The following VPS37C variants were observed in gnomAD, a reference collection of about 807,000 sequenced individuals.
The protein encoded by VPS37C is VPS37C subunit of ESCRT-I.
Under a neutral mutation model 16.1 loss-of-function variants are expected in VPS37C, and 9 were observed. That is an observed-to-expected ratio of 0.56 (90% CI 0.34 to 0.97). The LOEUF is 0.97. Among genes scored for constraint, VPS37C ranks in the 50% least tolerant of loss-of-function variants. The probability of loss-of-function intolerance (pLI) is 0.02; values close to 1 mark genes in which losing one functional copy is unlikely to be tolerated. For missense variants in VPS37C, 479 were observed against 472.7 expected, an observed-to-expected ratio of 1.01 and a Z score of -0.12; for synonymous variants, 207 against 206.4, an observed-to-expected ratio of 1.00 and a Z score of -0.02.
Position 61,130,507 on chromosome 11 carries a change from C to A in VPS37C, c.*1313G>T, listed in dbSNP as rs1861234258. On this transcript the variant is annotated 3_prime_UTR_variant, in exon 5 of 5. Coordinates refer to ENST00000301765, the MANE Select transcript of VPS37C (RefSeq NM_017966.5). ...CTTGGCCCCAGCAGCCCCGGGCCCA[C>A]CAGATGCTGCGTCCTCAGGTAGTGG... The A allele has an allele frequency of 4.8e-6, 1 of 206,918 alleles. No homozygotes were observed. Among genetic ancestry groups the A allele is most frequent in the Admixed American group, 6.4e-5 (1 of 15,568 alleles). The allele number at this position is 206,918 out of a possible 1,614,324, so 12.8% of individuals were successfully genotyped here. A position where few individuals can be genotyped will look rare whatever the true frequency, so the allele number is the denominator to read the frequency against.
chr11:61,159,402 ATTC>A (rs1853427730), intron 1 of VPS37C, among the ~76,000 whole-genome samples: 17 of 152,208 alleles, frequency 1.1e-4, no homozygotes, highest in Admixed American at 1.1e-3. Flanking sequence ...ATCAGAAATT[ATTC>A]TTAAGGTCCA....
At chr11:61,161,062 G>C (rs555780589) in intron 1 of VPS37C, 39 of 152,440 alleles carry the variant, frequency 2.6e-4, no homozygotes, top group African/African-American at 8.4e-4. Context: ...CATCAGAATT[G>C]TGACCGCAAG....
Position 61,132,105 on chromosome 11 carries a change from G to A in VPS37C, c.783C>T (p.Ser261=). 1 of 1,421,706 alleles carries A rather than the reference G, an allele frequency of 7.0e-7. No homozygotes were observed. The highest frequency in any genetic ancestry group is 1.6e-5 in the South Asian group (1 of 63,932). 88.1% of individuals were successfully genotyped at this position (1,421,706 alleles called of 1,614,324 possible). Residue 261 remains serine (S), a synonymous_variant, in exon 5 of 5, where the codon TCC becomes TCT. Coordinates refer to ENST00000301765, the MANE Select transcript of VPS37C (RefSeq NM_017966.5). ...GPRGAAGYSW[S]PQRSMPPRPG... ...GCCGGGGTGGCATGCTCCTCTGTGG[G>A]GACCAGGAGTAACCCGCAGCACCCC...
At chr11:61,142,975 T>TAAAAAAAAAAAAAAAAAAAAAAAAAA in intron 1 of VPS37C, among the ~76,000 whole-genome samples, 1 of 47,586 alleles carries the variant, frequency 2.1e-5, no homozygotes, top group African/African-American at 7.5e-5. Flanking sequence ...AAAGAATAGC[T>TAAAAAAAAAAAAAAAAAAAAAAAAAA]AAAAAAAAAA....
chr11:61,139,609 A>T (rs1216847940), intron 1 of VPS37C, among the ~76,000 whole-genome samples: 1 of 152,138 alleles, frequency 6.6e-6, no homozygotes, highest in Non-Finnish European at 1.5e-5. Flanking sequence ...GATGGGTCAC[A>T]GCCAGGCCCA....
rs567283534 is a variant in VPS37C, at chr11:61,150,559, T to G, written c.-7+10832A>C. ...TCAACCTTTTTCAAAGGAGTTTTGT[T>G]TTTTTTTTTTCCAAACAGAACATTT... is the stretch of plus-strand genomic sequence containing the variant. On this transcript the variant is annotated intron_variant, in intron 1 of 4. Coordinates refer to ENST00000301765, the MANE Select transcript of VPS37C (RefSeq NM_017966.5). 4.5e-3 allele frequency among the ~76,000 whole-genome samples: 667 copies of G among 149,886 alleles called. 5 individuals carry two copies. The highest frequency in any genetic ancestry group is 7.5e-3 in the Non-Finnish European group (508 of 67,512).
chr11:61,159,926 A>AT (rs1853443125), intron 1 of VPS37C, among the ~76,000 whole-genome samples: 2 of 149,380 alleles, frequency 1.3e-5, no homozygotes, highest in Non-Finnish European at 3.0e-5. Context: ...AAAAAAAAAA[A>AT]AATCCAAACT....
chr11:61,152,186 G>A (rs769593141), intron 1 of VPS37C, among the ~76,000 whole-genome samples: 3 of 152,150 alleles, frequency 2.0e-5, no homozygotes, highest in African/African-American at 4.8e-5. Context: ...TGATAAGACC[G>A]CTGTACTCAC....
At chr11:61,150,261 G>A (rs758955234) in intron 1 of VPS37C, among the ~76,000 whole-genome samples, 8 of 152,132 alleles carry the variant, frequency 5.3e-5, no homozygotes, top group Admixed American at 3.9e-4. Context: ...GTGTTCCAAA[G>A]GCTCTCACAC....
At chr11:61,148,026 G>A (rs1853243842) in intron 1 of VPS37C, among the ~76,000 whole-genome samples, 2 of 152,188 alleles carry the variant, frequency 1.3e-5, no homozygotes, top group Non-Finnish European at 2.9e-5. Flanking sequence ...GTGTGGCTCA[G>A]ATAAGCGAAC....
At chr11:61,141,367 C>CAAAAA (rs1242030018) in intron 1 of VPS37C, among the ~76,000 whole-genome samples, 3 of 126,446 alleles carry the variant, frequency 2.4e-5, no homozygotes, top group Non-Finnish European at 5.1e-5. Flanking sequence ...GACTCGGTCT[C>CAAAAA]AAAAAAAAAA....
At position 61,134,068 on chromosome 11, in the gene VPS37C, A is replaced by G. The variant is rs1861319639; in HGVS notation, c.233T>C (p.Val78Ala). Residue 78 changes from valine (V) to alanine (A), a missense_variant, in exon 3 of 5, where the codon GTG becomes GCG. Transcript: ENST00000301765. ...TGCCTTCTGCTCCTGGCACCGCTCC[A>G]CGAGCTTCCGGAGCTCCTGGTATCT... Reference protein sequence around the residue: ...SDRYQELRKLVERCQEQKAKL... With the variant: ...SDRYQELRKLAERCQEQKAKL... The G allele has an allele frequency of 1.9e-6, 3 of 1,613,008 alleles. No homozygotes were observed. Among genetic ancestry groups the G allele is most frequent in the Non-Finnish European group, 2.5e-6 (3 of 1,179,170 alleles).
rs976563030 is a variant in VPS37C, at chr11:61,130,975, A to G, written c.*845T>C. The G allele has an allele frequency of 8.8e-6, 3 of 342,086 alleles. 1 individual carries two copies. The highest frequency in any genetic ancestry group is 6.6e-5 in the South Asian group (3 of 45,606). The allele number at this position is 342,086 out of a possible 1,614,324, so 21.2% of individuals were successfully genotyped here. ...CGTGGGCCTCGGGCAAAGTCGCCCT[A>G]AAGTGGGGACCCCAGAGGAGAGAAG... is the stretch of plus-strand genomic sequence containing the variant. On this transcript the variant is annotated 3_prime_UTR_variant, in exon 5 of 5. Transcript: ENST00000301765.
At position 61,131,450 on chromosome 11, in the gene VPS37C, T is replaced by C. The variant is rs535219832; in HGVS notation, c.*370A>G. On this transcript the variant is annotated 3_prime_UTR_variant, in exon 5 of 5. Transcript: ENST00000301765. Reference sequence around the variant, plus strand: ...TGGAGGGGGCTGGAGACCCGGGGCCTCCTCATAGAGATAACTCTGCACTGG... The same window carrying C: ...TGGAGGGGGCTGGAGACCCGGGGCCCCCTCATAGAGATAACTCTGCACTGG... 31 of 193,812 alleles carry C rather than the reference T, an allele frequency of 1.6e-4. No homozygotes were observed. The South Asian group carries it at 5.8e-3, about 36-fold the overall frequency. The allele number at this position is 193,812 out of a possible 1,614,324, so 12.0% of individuals were successfully genotyped here. A position where few individuals can be genotyped will look rare whatever the true frequency, so the allele number is the denominator to read the frequency against.
chr11:61,132,708 C>T, intron 4 of VPS37C, 169 bp from the exon 5 acceptor site: 1 of 859,040 alleles, frequency 1.2e-6, no homozygotes, highest in Non-Finnish European at 1.7e-6. Context: ...GGTACATGCA[C>T]TGTCTCCCTC....
chr11:61,160,181 C>G (rs1194099530), intron 1 of VPS37C, among the ~76,000 whole-genome samples: 2 of 152,176 alleles, frequency 1.3e-5, no homozygotes, highest in East Asian at 3.8e-4. Context: ...ATGGAAATTA[C>G]AAAGGCACGG....
intron 1 of VPS37C, among the ~76,000 whole-genome samples, chr11:61,139,241 T>C (rs1027600330): frequency 6.6e-6 from 1 of 152,188 alleles, no homozygotes; most frequent in Admixed American, 6.5e-5. Context: ...CTCTGGTAGG[T>C]GTCTATTTCT....
intron 1 of VPS37C, chr11:61,144,420 A>G (rs614875): frequency 0.74 from 112,803 of 151,962 alleles, 43,394 homozygotes; most frequent in East Asian, 1. Context: ...CAAAGACCCC[A>G]GGGGAGGAAG....
chr11:61,133,017 C>A (rs1861301115), intron 4 of VPS37C: 2 of 634,912 alleles, frequency 3.2e-6, no homozygotes, highest in Admixed American at 4.4e-5. Context: ...GCCCTACCAT[C>A]CAGGGCTGCG....
Sources: allele counts gnomAD v4.1 joint callset (sites outside exome capture counted in the v4.1 genomes callset), GRCh38; gene constraint gnomAD v4.1.1; transcripts MANE v1.5; gene names NCBI Gene and HGNC (gene_info 2026-07-23, HGNC 2026-07-21).